CSTL1: variants seen among roughly 807,000 people sequenced by gnomAD.
CSTL1 encodes cystatin-like 1.
A neutral mutation model predicts 14.4 loss-of-function variants in CSTL1; 14 were observed. The ratio of observed to expected loss-of-function variants is 0.97; its 90% confidence interval spans 0.64 to 1.52. The LOEUF is 1.52. Ranked by LOEUF, CSTL1 falls within the 40% of genes most tolerant of loss-of-function variation. The pLI is 0.00. For missense variants in CSTL1, 170 were observed against 168.7 expected (o/e 1.01, Z -0.04); for synonymous variants, 72 against 67.5 (o/e 1.07, Z -0.33).
the CSTL1 span, among the ~76,000 whole-genome samples, chr20:23,455,767 C>T: frequency 6.6e-5 from 10 of 152,342 alleles, no homozygotes; most frequent in African/African-American, 2.4e-4. Flanking sequence ...GGTCGATCTT[C>T]CACAGGGTTG....
At chr20:23,454,285 A>C in the CSTL1 span, among the ~76,000 whole-genome samples, 1 of 149,938 alleles carries the variant, frequency 6.7e-6, no homozygotes, top group African/African-American at 2.5e-5. Flanking sequence ...ACACAGATAC[A>C]CACACCTACA....
At position 23,439,723 on chromosome 20, in the gene CSTL1, G is replaced by A. The variant is rs41306908; in HGVS notation, c.-208G>A. The stretch of plus-strand genomic sequence containing the variant: ...AAGCAGAAATCTGTGGTGGGCGGGC[G>A]GCAGGTGAGCAAGGAGAACGTGTCT... On this transcript the variant is annotated 5_prime_UTR_variant, in exon 1 of 4. Transcript: ENST00000347397. The A allele has an allele frequency of 5.7e-3, 925 of 161,830 alleles. 8 individuals are homozygous for A. Among genetic ancestry groups the A allele is most frequent in the Middle Eastern group, 0.029 (9 of 314 alleles). 10.0% of individuals were successfully genotyped at this position (161,830 alleles called of 1,614,324 possible). A position where few individuals can be genotyped will look rare whatever the true frequency, so the allele number is the denominator to read the frequency against.
chr20:23,456,774 T>C, the CSTL1 span, among the ~76,000 whole-genome samples: 1 of 152,298 alleles, frequency 6.6e-6, no homozygotes, highest in Admixed American at 6.5e-5. Flanking sequence ...CCTATTTTTT[T>C]CAGCTGCCAG....
the CSTL1 span, chr20:23,452,743 G>A: frequency 1.9e-6 from 3 of 1,614,178 alleles, no homozygotes; most frequent in Non-Finnish European, 2.5e-6. Context: ...TTGCTTGGTA[G>A]GGGAGGGCCA....
chr20:23,454,353 A>G, the CSTL1 span, among the ~76,000 whole-genome samples: 1 of 150,988 alleles, frequency 6.6e-6, no homozygotes, highest in Non-Finnish European at 1.5e-5. Flanking sequence ...ACACACCTAC[A>G]TGTACACACC....
At chr20:23,455,130 A>G in the CSTL1 span, among the ~76,000 whole-genome samples, 1 of 152,206 alleles carries the variant, frequency 6.6e-6, no homozygotes. Flanking sequence ...AGAGAAAAAG[A>G]CGAAAGGATT....
At chr20:23,439,953 G>C in intron 1 of CSTL1, 147 bp downstream of exon 1, 1 of 401,206 alleles carries the variant, frequency 2.5e-6, no homozygotes, top group Non-Finnish European at 4.7e-6. Context: ...GCACTGTAGG[G>C]GCTGTTCTGG....
Position 23,444,783 on chromosome 20 carries a change from G to A in CSTL1, c.343G>A (p.Glu115Lys), listed in dbSNP as rs199762402. Residue 115 changes from glutamate (E) to lysine (K), a missense_variant, in exon 4 of 4, where the codon GAG (glutamate) becomes AAG (lysine). Glu to Lys is a moderately conservative substitution (Grantham distance 56). Transcript: ENST00000347397. ...TCTTCTTCTACAGAGTTTAATTTGC[G>A]AGTCTTTGATATACACCATGCCCTG... ...SKKLRKSLIC[E>K]SLIYTMPWIN... The A allele has an allele frequency of 8.1e-6, 13 of 1,611,362 alleles. No homozygotes were observed. In the East Asian group the frequency reaches 8.9e-5, roughly 11 times the overall value.
Position 23,440,144 on chromosome 20 carries a change from G to A in CSTL1, c.-124G>A. On this transcript the variant is annotated splice_region_variant and 5_prime_UTR_variant, in exon 2 of 4. Transcript: ENST00000347397. The stretch of plus-strand genomic sequence containing the variant: ...GGTCTGAATCTCTGTTTAAATGCAG[G>A]CAGGCCATCCCCCAGGAAAGCCTAT... 2 of 897,840 alleles carry A rather than the reference G, an allele frequency of 2.2e-6. No homozygotes were observed. Among genetic ancestry groups the A allele is most frequent in the Non-Finnish European group, 3.5e-6 (2 of 573,216 alleles). 55.6% of individuals were successfully genotyped at this position (897,840 alleles called of 1,614,324 possible).
At chr20:23,454,465 A>G in the CSTL1 span, among the ~76,000 whole-genome samples, 1 of 152,160 alleles carries the variant, frequency 6.6e-6, no homozygotes, top group Non-Finnish European at 1.5e-5. Flanking sequence ...ACACACACAG[A>G]CATACATACC....
chr20:23,440,032 T>A, intron 1 of CSTL1, 112 bp from the exon 2 acceptor site: 1 of 539,866 alleles, frequency 1.9e-6, no homozygotes, highest in Non-Finnish European at 3.3e-6. Flanking sequence ...TGTTTAAAAA[T>A]TTTGCTTGCC....
the CSTL1 span, chr20:23,452,815 T>C: frequency 1.2e-6 from 2 of 1,609,802 alleles, no homozygotes; most frequent in East Asian, 4.5e-5. Flanking sequence ...CCATCATCCT[T>C]CAGCTGCAGA....
the CSTL1 span, chr20:23,459,230 C>G: frequency 2.6e-5 from 4 of 152,282 alleles, no homozygotes; most frequent in Non-Finnish European, 5.9e-5. Flanking sequence ...TTCAGCTCTG[C>G]CTCTGGAACC....
At chr20:23,442,924 C>T (rs1018794215) in intron 2 of CSTL1, among the ~76,000 whole-genome samples, 3 of 152,218 alleles carry the variant, frequency 2.0e-5, no homozygotes, top group African/African-American at 7.2e-5. Flanking sequence ...AACCCCCAAG[C>T]TCTCTGTTAG....
the CSTL1 span, among the ~76,000 whole-genome samples, chr20:23,453,992 A>G: frequency 6.6e-6 from 1 of 151,986 alleles, no homozygotes; most frequent in East Asian, 1.9e-4. Context: ...ACTGAAATAT[A>G]CAGACACACA....
chr20:23,456,546 G>T, the CSTL1 span, among the ~76,000 whole-genome samples: 5 of 152,098 alleles, frequency 3.3e-5, no homozygotes, highest in Non-Finnish European at 7.4e-5. Flanking sequence ...TGGCTGTTCT[G>T]GGGTCCCTTC....
At chr20:23,444,692 G>T in intron 3 of CSTL1, 79 bp from the exon 4 acceptor site, 1 of 884,124 alleles carries the variant, frequency 1.1e-6, no homozygotes. Context: ...GCCACAGGGA[G>T]AGACCTGGGG....
At chr20:23,451,859 G>C in the CSTL1 span, 1 of 1,614,126 alleles carries the variant, frequency 6.2e-7, no homozygotes, top group South Asian at 1.1e-5. Context: ...CGTGGTCTCT[G>C]GCTTTTGGCA....
At chr20:23,447,087 G>A (rs1986983857), downstream of CSTL1, among the ~76,000 whole-genome samples, 1 of 152,168 alleles carries the variant, frequency 6.6e-6, no homozygotes, top group African/African-American at 2.4e-5. Context: ...TATCCTATTT[G>A]ATCATCATGA....
Sources: allele counts gnomAD v4.1 joint callset (sites outside exome capture counted in the v4.1 genomes callset), GRCh38; gene constraint gnomAD v4.1.1; transcripts MANE v1.5; gene names NCBI Gene and HGNC (gene_info 2026-07-23, HGNC 2026-07-21).